The following TMCO5A variants were observed in gnomAD, a reference collection of about 807,000 sequenced individuals.
TMCO5A encodes transmembrane and coiled-coil domains 5A.
In TMCO5A, 34 loss-of-function variants were observed where a neutral mutation model predicts 42.3. That is an observed-to-expected ratio of 0.80 (90% CI 0.61 to 1.07). The LOEUF (loss-of-function observed/expected upper bound fraction) is 1.07. TMCO5A is among the 50% of genes least tolerant of loss of function. The pLI, the probability that TMCO5A is intolerant of heterozygous loss-of-function variation, is 0.00. For synonymous variants in TMCO5A, 131 were observed against 115.6 expected (o/e 1.13, Z -0.86); for missense variants, 357 against 327.9 (o/e 1.09, Z -0.69).
At chr15:37,950,317 C>T (rs1409757692) in intron 11 of TMCO5A, among the ~76,000 whole-genome samples, 1 of 151,990 alleles carries the variant, frequency 6.6e-6, no homozygotes, top group Non-Finnish European at 1.5e-5. Flanking sequence ...TTAAAAAGGA[C>T]ACAGAAAGCA....
At chr15:38,003,083 G>A in the TMCO5A span, among the ~76,000 whole-genome samples, 1 of 152,178 alleles carries the variant, frequency 6.6e-6, no homozygotes, top group Non-Finnish European at 1.5e-5. Context: ...GCATTAGGGG[G>A]CACCCTAAGC....
chr15:37,977,550 G>A, the TMCO5A span, among the ~76,000 whole-genome samples: 1 of 152,140 alleles, frequency 6.6e-6, no homozygotes, highest in Non-Finnish European at 1.5e-5. Context: ...CAGTAGATAC[G>A]CTCTTGCTTA....
chr15:37,980,214 G>A, the TMCO5A span, among the ~76,000 whole-genome samples: 15 of 150,674 alleles, frequency 1.0e-4, 1 homozygote, highest in Admixed American at 7.2e-4. Context: ...TAAGGCCTGC[G>A]GTCCGTCCAC....
chr15:38,002,031 T>G, the TMCO5A span, among the ~76,000 whole-genome samples: 1 of 152,172 alleles, frequency 6.6e-6, no homozygotes, highest in African/African-American at 2.4e-5. Context: ...CTCCAGATGA[T>G]TTCCTAATGC....
chr15:38,026,828 A>G, the TMCO5A span, among the ~76,000 whole-genome samples: 1 of 152,210 alleles, frequency 6.6e-6, no homozygotes, highest in South Asian at 2.1e-4. Context: ...AGGGGCCAAC[A>G]TAGAGCTCGG....
chr15:37,977,000 A>G, the TMCO5A span, among the ~76,000 whole-genome samples: 3,640 of 151,770 alleles, frequency 0.024, 151 homozygotes, highest in African/African-American at 0.083. Context: ...TCAAACTCCT[A>G]TCTTAAAGTG....
chr15:38,002,207 G>A, the TMCO5A span, among the ~76,000 whole-genome samples: 3 of 141,268 alleles, frequency 2.1e-5, no homozygotes, highest in African/African-American at 9.0e-5. Flanking sequence ...TAGGATAAAA[G>A]GTTTTTTTTT....
chr15:37,989,794 G>A, the TMCO5A span, among the ~76,000 whole-genome samples: 4 of 151,970 alleles, frequency 2.6e-5, no homozygotes, highest in African/African-American at 9.7e-5. Context: ...CTAACATGGT[G>A]GAATAGGGAA....
At chr15:37,942,276 A>G (rs776924430) in intron 9 of TMCO5A, 21 bp downstream of exon 9, 7 of 1,610,368 alleles carry the variant, frequency 4.3e-6, no homozygotes, top group Non-Finnish European at 5.9e-6. Flanking sequence ...GCAAAGGAAC[A>G]TCCTGGTTTT....
At chr15:37,949,745 AT>A (rs1890094410) in intron 11 of TMCO5A, among the ~76,000 whole-genome samples, 1 of 152,226 alleles carries the variant, frequency 6.6e-6, no homozygotes, top group African/African-American at 2.4e-5. Flanking sequence ...ACTCTGTATT[AT>A]TTTCTATGCT....
chr15:37,947,969 AG>A (rs1282304148), intron 11 of TMCO5A, among the ~76,000 whole-genome samples: 33 of 152,160 alleles, frequency 2.2e-4, no homozygotes, highest in African/African-American at 7.7e-4. Flanking sequence ...ATTATGTAAA[AG>A]AGATGTGGCA....
chr15:38,020,555 G>C, the TMCO5A span: 1 of 152,172 alleles, frequency 6.6e-6, no homozygotes. Flanking sequence ...AAAGGGCAGT[G>C]ATTGAGACCA....
chr15:38,004,986 C>T, the TMCO5A span, among the ~76,000 whole-genome samples: 2 of 152,128 alleles, frequency 1.3e-5, no homozygotes, highest in African/African-American at 4.8e-5. Context: ...AGATTTGTCA[C>T]TATTAGACAG....
chr15:38,015,159 G>A, the TMCO5A span, among the ~76,000 whole-genome samples: 4 of 151,948 alleles, frequency 2.6e-5, no homozygotes, highest in Admixed American at 6.6e-5. Flanking sequence ...TCTGCCTTCC[G>A]AAGCTCACTG....
downstream of TMCO5A, among the ~76,000 whole-genome samples, chr15:37,953,183 T>G (rs1478693480): frequency 6.6e-6 from 1 of 152,162 alleles, no homozygotes; most frequent in Non-Finnish European, 1.5e-5. Context: ...CTTTGCCACC[T>G]GCTGATTGTA....
At chr15:37,969,081 T>C (rs924455390), downstream of TMCO5A, among the ~76,000 whole-genome samples, 1 of 152,166 alleles carries the variant, frequency 6.6e-6, no homozygotes, top group Non-Finnish European at 1.5e-5. Flanking sequence ...CGTGTATATA[T>C]GATAAGTCCT....
chr15:37,955,550 C>T (rs951778732), downstream of TMCO5A, among the ~76,000 whole-genome samples: 1 of 152,032 alleles, frequency 6.6e-6, no homozygotes, highest in African/African-American at 2.4e-5. Context: ...GCTAAATATC[C>T]TAAATATATA....
the TMCO5A span, among the ~76,000 whole-genome samples, chr15:37,987,048 C>T: frequency 1.3e-5 from 2 of 152,034 alleles, no homozygotes; most frequent in Non-Finnish European, 2.9e-5. Flanking sequence ...GTTCCAATAT[C>T]TCCACACCTT....
At chr15:37,959,505 A>G (rs2140811094) in intron 11 of TMCO5A, among the ~76,000 whole-genome samples, 1 of 152,126 alleles carries the variant, frequency 6.6e-6, no homozygotes, top group East Asian at 1.9e-4. Flanking sequence ...ATCATATATC[A>G]TGACCTGGGA....
Sources: allele counts gnomAD v4.1 joint callset (sites outside exome capture counted in the v4.1 genomes callset), GRCh38; gene constraint gnomAD v4.1.1; transcripts MANE v1.5; gene names NCBI Gene and HGNC (gene_info 2026-07-23, HGNC 2026-07-21).